CDHR3: variants seen among roughly 807,000 people sequenced by gnomAD.
CDHR3 encodes cadherin related family member 3, also known as cadherin-related family member 3.
A neutral mutation model predicts 86.6 loss-of-function variants in CDHR3; 79 were observed. The observed-to-expected ratio is 0.91, with a 90% CI of 0.76 to 1.10. CDHR3 has a LOEUF of 1.10. Among genes scored for constraint, CDHR3 ranks in the 50% least tolerant of loss-of-function variants. The pLI is 0.00. For missense variants in CDHR3, 1,081 were observed against 1,077.6 expected, an observed-to-expected ratio of 1.00 and a Z score of -0.04; for synonymous variants, 421 against 402.4, an observed-to-expected ratio of 1.05 and a Z score of -0.55.
intron 8 of CDHR3, among the ~76,000 whole-genome samples, chr7:106,011,586 AG>A (rs1834816038): frequency 6.6e-6 from 1 of 152,166 alleles, no homozygotes; most frequent in Non-Finnish European, 1.5e-5. Flanking sequence ...GAAAACCTAT[AG>A]TACTGTGAGA....
intron 1 of CDHR3, among the ~76,000 whole-genome samples, chr7:105,964,801 A>G (rs1193437127): frequency 6.6e-6 from 1 of 152,188 alleles, no homozygotes; most frequent in Non-Finnish European, 1.5e-5. Context: ...GTTTCCTAAT[A>G]TTGAGCCCTC....
Position 106,032,527 on chromosome 7 carries a change from A to G in CDHR3, c.2488A>G (p.Met830Val). The change falls in exon 19 of 19, where the codon ATG becomes GTG. Residue 830 changes from methionine (M) to valine (V), a missense_variant. Transcript: ENST00000317716. Reference protein sequence around the residue: ...APRRVTAGEGMGSLRSANWEE... With the variant: ...APRRVTAGEGVGSLRSANWEE... ...ACGCAGAGTCACTGCTGGGGAAGGG[A>G]TGGGGTCACTGAGAAGTGCCAACTG... is the stretch of plus-strand genomic sequence containing the variant. 1 of 1,614,006 alleles carries G rather than the reference A, an allele frequency of 6.2e-7. No individual in the cohort carries two copies. The highest frequency in any genetic ancestry group is 8.5e-7 in the Non-Finnish European group (1 of 1,179,868).
chr7:106,019,080 G>C (rs1836122640), intron 12 of CDHR3, among the ~76,000 whole-genome samples: 1 of 152,136 alleles, frequency 6.6e-6, no homozygotes, highest in South Asian at 2.1e-4. Context: ...AAGTAAAAAA[G>C]CGTGAAGGCA....
intron 11 of CDHR3, among the ~76,000 whole-genome samples, chr7:106,016,630 C>G (rs1835670363): frequency 6.6e-6 from 1 of 152,176 alleles, no homozygotes; most frequent in African/African-American, 2.4e-5. Context: ...AGACTCCCCA[C>G]AGCCGTTCAT....
chr7:106,013,102 C>A (rs1835064346), intron 9 of CDHR3, 71 bp downstream of exon 9: 10 of 1,393,196 alleles, frequency 7.2e-6, no homozygotes, highest in Non-Finnish European at 9.6e-7. Flanking sequence ...GCTTTTGCTG[C>A]CCCATAGAGA....
chr7:106,004,039 T>G (rs1418522742), intron 7 of CDHR3, among the ~76,000 whole-genome samples: 4 of 141,256 alleles, frequency 2.8e-5, no homozygotes, highest in Middle Eastern at 3.7e-3. Context: ...GGCACATCTA[T>G]CAACAGGATT....
intron 6 of CDHR3, 86 bp downstream of exon 6, chr7:105,996,440 G>A: frequency 1.5e-6 from 1 of 686,744 alleles, no homozygotes; most frequent in Non-Finnish European, 2.5e-6. Context: ...TTTAATACAA[G>A]GCAGAGGGAT....
At chr7:106,028,925 TTTC>T (rs1837825499) in intron 17 of CDHR3, among the ~76,000 whole-genome samples, 1 of 88,282 alleles carries the variant, frequency 1.1e-5, no homozygotes, top group Admixed American at 1.2e-4. Context: ...ATTTTCTTTC[TTTC>T]TTTCTTTCTT....
intron 8 of CDHR3, among the ~76,000 whole-genome samples, chr7:106,008,307 C>T (rs1441892612): frequency 2.6e-5 from 4 of 152,134 alleles, no homozygotes; most frequent in African/African-American, 9.7e-5. Flanking sequence ...TCTTTGTGAG[C>T]TGGGTGCATC....
intron 6 of CDHR3, among the ~76,000 whole-genome samples, chr7:105,999,605 G>T (rs757660414): frequency 3.2e-4 from 48 of 152,170 alleles, no homozygotes; most frequent in South Asian, 4.1e-4. Context: ...GAGAACCACT[G>T]CCTGAGAAGG....
chr7:105,990,366 C>G (rs758638642), intron 4 of CDHR3, among the ~76,000 whole-genome samples: 1 of 152,124 alleles, frequency 6.6e-6, no homozygotes. Flanking sequence ...AGTTTTTTAA[C>G]GATAGTTTTT....
chr7:106,009,787 G>A (rs1220137992), intron 8 of CDHR3, among the ~76,000 whole-genome samples: 1 of 152,208 alleles, frequency 6.6e-6, no homozygotes, highest in African/African-American at 2.4e-5. Flanking sequence ...GACAACCCCC[G>A]CTCTGGTTGT....
At chr7:105,963,457 CT>C (rs1826350412) in intron 1 of CDHR3, 93 bp downstream of exon 1, 4 of 1,361,538 alleles carry the variant, frequency 2.9e-6, no homozygotes, top group Non-Finnish European at 3.1e-6. Context: ...GAAATTGCCC[CT>C]GGGAGGCTTG....
chr7:105,971,203 G>C (rs1030320399), intron 1 of CDHR3, among the ~76,000 whole-genome samples: 9 of 151,632 alleles, frequency 5.9e-5, no homozygotes, highest in Admixed American at 1.3e-4. Context: ...GGACTGCCTA[G>C]GACTGCTAGG....
intron 7 of CDHR3, among the ~76,000 whole-genome samples, chr7:106,002,955 G>GA (rs983024555): frequency 6.6e-5 from 10 of 151,770 alleles, no homozygotes; most frequent in African/African-American, 2.2e-4. Flanking sequence ...GCAACGTAGT[G>GA]AAACCCTGTC....
At chr7:105,983,566 T>A (rs1830088660) in intron 3 of CDHR3, among the ~76,000 whole-genome samples, 1 of 152,112 alleles carries the variant, frequency 6.6e-6, no homozygotes, top group South Asian at 2.1e-4. Context: ...AAGGAAAAAA[T>A]GCCCGAGTGA....
At chr7:105,969,363 G>A (rs1264763248) in intron 1 of CDHR3, among the ~76,000 whole-genome samples, 7 of 127,004 alleles carry the variant, frequency 5.5e-5, no homozygotes, top group Non-Finnish European at 9.4e-5. Context: ...TTGCGCCACT[G>A]CACTCCAGCC....
chr7:106,009,632 A>T (rs1054907413), intron 8 of CDHR3, among the ~76,000 whole-genome samples: 1 of 152,082 alleles, frequency 6.6e-6, no homozygotes, highest in Admixed American at 6.5e-5. Context: ...TCCCGCAGGG[A>T]GGAGGGCGGC....
chr7:105,993,119 C>T (rs1831613756), intron 4 of CDHR3, among the ~76,000 whole-genome samples: 1 of 152,180 alleles, frequency 6.6e-6, no homozygotes, highest in African/African-American at 2.4e-5. Context: ...GCAAAACCTC[C>T]ACTGATGATC....
Sources: allele counts gnomAD v4.1 joint callset (sites outside exome capture counted in the v4.1 genomes callset), GRCh38; gene constraint gnomAD v4.1.1; transcripts MANE v1.5; gene names NCBI Gene and HGNC (gene_info 2026-07-23, HGNC 2026-07-21).